The following ASTN2 variants were observed in gnomAD, a reference collection of about 807,000 sequenced individuals.
ASTN2 encodes the protein astrotactin-2.
Under a neutral mutation model 139.8 loss-of-function variants are expected in ASTN2, and 54 were observed. The ratio of observed to expected loss-of-function variants is 0.39; its 90% CI spans 0.31 to 0.48. ASTN2 has a LOEUF of 0.48. Ranked by LOEUF, ASTN2 falls within the 20% of genes least tolerant of loss-of-function variation. ASTN2 has a pLI of 0.95. For missense variants in ASTN2, 1,565 were observed against 1,725.1 expected (o/e 0.91, Z 1.64); for synonymous variants, 756 against 719.5 (o/e 1.05, Z -0.81).
intron 10 of ASTN2, among the ~76,000 whole-genome samples, chr9:116,933,828 G>T (rs564682714): frequency 1.8e-4 from 27 of 152,104 alleles, no homozygotes; most frequent in African/African-American, 6.5e-4. Context: ...CTGTCTGACT[G>T]TTCTGGACTG....
intron 1 of ASTN2, among the ~76,000 whole-genome samples, chr9:117,326,757 C>T (rs1425154981): frequency 6.6e-6 from 1 of 151,292 alleles, no homozygotes; most frequent in Non-Finnish European, 1.5e-5. Flanking sequence ...GTTCCAAGTG[C>T]CAAGAGAGAG....
chr9:116,897,888 A>G (rs1229429003), intron 10 of ASTN2, among the ~76,000 whole-genome samples: 2 of 152,182 alleles, frequency 1.3e-5, no homozygotes, highest in African/African-American at 4.8e-5. Context: ...AACTTTTCCA[A>G]AAATCACATT....
intron 19 of ASTN2, among the ~76,000 whole-genome samples, chr9:116,535,995 A>G (rs913551194): frequency 7.2e-5 from 11 of 152,152 alleles, no homozygotes; most frequent in African/African-American, 2.4e-4. Flanking sequence ...AGGTACACCA[A>G]TCAGATGTAG....
At chr9:117,089,849 G>T (rs889605626) in intron 5 of ASTN2, among the ~76,000 whole-genome samples, 3 of 152,182 alleles carry the variant, frequency 2.0e-5, no homozygotes, top group African/African-American at 7.2e-5. Flanking sequence ...TGTGGCAAAT[G>T]CCGTTAATTC....
intron 19 of ASTN2, among the ~76,000 whole-genome samples, chr9:116,606,201 A>G (rs1490558941): frequency 6.6e-6 from 1 of 152,138 alleles, no homozygotes; most frequent in Admixed American, 6.6e-5. Context: ...TTTCTGCTCA[A>G]AACAACTGGA....
chr9:116,977,715 C>CTTTT lies in ASTN2; in HGVS notation c.1592-934_1592-931dup, dbSNP rs386416041. ...TACTTAAGGTATAGAATTTCTTTTT[C>CTTTT]TTTTTTTTTTTTTTTTTGAGACTGA... On this transcript the variant is annotated intron_variant, in intron 7 of 22. Transcript: ENST00000313400. Among the ~76,000 whole-genome samples, 22 of 122,174 alleles carry CTTTT rather than the reference C, an allele frequency of 1.8e-4. 1 individual carries two copies. Among genetic ancestry groups the CTTTT allele is most frequent in the Non-Finnish European group, 2.4e-4 (14 of 58,992 alleles). 80.2% of individuals were successfully genotyped at this position (122,174 alleles called of 152,430 possible). A position where few individuals can be genotyped will look rare whatever the true frequency, so the allele number is the denominator to read the frequency against.
chr9:117,221,845 A>G (rs1372074867), intron 2 of ASTN2, among the ~76,000 whole-genome samples: 9 of 100,498 alleles, frequency 9.0e-5, no homozygotes, highest in African/African-American at 4.3e-4. Flanking sequence ...TTAGTGTTAG[A>G]AGAAAAAAAA....
At chr9:117,184,626 G>A (rs1188484016) in intron 3 of ASTN2, among the ~76,000 whole-genome samples, 1 of 152,134 alleles carries the variant, frequency 6.6e-6, no homozygotes, top group Non-Finnish European at 1.5e-5. Context: ...ATAAGAGTTC[G>A]CATGAGAGAA....
intron 2 of ASTN2, among the ~76,000 whole-genome samples, chr9:117,281,950 C>A (rs983937718): frequency 1.3e-5 from 2 of 152,170 alleles, no homozygotes; most frequent in African/African-American, 4.8e-5. Context: ...CCTCGCTACC[C>A]GACTCCCAGC....
intron 20 of ASTN2, among the ~76,000 whole-genome samples, chr9:116,451,976 C>T (rs1365101646): frequency 6.6e-6 from 1 of 152,180 alleles, no homozygotes; most frequent in East Asian, 1.9e-4. Flanking sequence ...CCCTTCCTCT[C>T]CCCATCCCCC....
In ASTN2 at chr9:116,795,224, C is replaced by T. The variant is rs113442969; in HGVS notation, c.2396+10408G>A. Among the ~76,000 whole-genome samples the T allele has an allele frequency of 6.2e-3, 947 of 152,242 alleles. 13 individuals are homozygous for T. Among genetic ancestry groups the T allele is most frequent in the African/African-American group, 0.022 (898 of 41,542 alleles). On this transcript the variant is annotated intron_variant, in intron 13 of 22. Transcript: ENST00000313400. The stretch of plus-strand genomic sequence containing the variant: ...CGAACTCCTGACCTCGTGATCCACC[C>T]GCCTCGGCTTCCCAAAGTGCTGGGA...
chr9:116,548,451 A>G (rs1852199612), intron 19 of ASTN2, among the ~76,000 whole-genome samples: 1 of 150,582 alleles, frequency 6.6e-6, no homozygotes. Flanking sequence ...TATGAGAATG[A>G]CCTGGGGGAG....
chr9:117,145,181 A>G (rs1265106463), intron 3 of ASTN2, among the ~76,000 whole-genome samples: 2 of 152,182 alleles, frequency 1.3e-5, no homozygotes, highest in Non-Finnish European at 1.5e-5. Context: ...CTGGGTAGAC[A>G]GTGAGTTATG....
chr9:116,529,027 G>A (rs1023276837), intron 19 of ASTN2, among the ~76,000 whole-genome samples: 1 of 152,188 alleles, frequency 6.6e-6, no homozygotes, highest in Non-Finnish European at 1.5e-5. Flanking sequence ...TGGGGTTGGA[G>A]CCCTTACACA....
At chr9:116,867,549 CAAAAAA>C (rs58222492) in intron 10 of ASTN2, among the ~76,000 whole-genome samples, 65 of 78,284 alleles carry the variant, frequency 8.3e-4, no homozygotes, top group Non-Finnish European at 9.8e-4. Flanking sequence ...GACTCTGTCT[CAAAAAA>C]AAAAAAAAAA....
At chr9:117,245,422 C>T (rs993723442) in intron 2 of ASTN2, among the ~76,000 whole-genome samples, 5 of 152,178 alleles carry the variant, frequency 3.3e-5, no homozygotes, top group Admixed American at 1.3e-4. Context: ...GTTTGCAAAG[C>T]GGCACAGGGA....
chr9:117,005,319 C>T (rs143680678), intron 7 of ASTN2, among the ~76,000 whole-genome samples: 181 of 151,432 alleles, frequency 1.2e-3, no homozygotes, highest in African/African-American at 4.3e-3. Flanking sequence ...GATCTCCTGA[C>T]CTAGTGATCC....
intron 20 of ASTN2, among the ~76,000 whole-genome samples, chr9:116,483,181 C>A (rs1849228550): frequency 6.6e-6 from 1 of 152,200 alleles, no homozygotes; most frequent in African/African-American, 2.4e-5. Context: ...AGGAGCTGGC[C>A]CTGCTGTCAG....
chr9:117,304,822 G>T (rs971847350), intron 1 of ASTN2, among the ~76,000 whole-genome samples: 1 of 152,188 alleles, frequency 6.6e-6, no homozygotes, highest in East Asian at 1.9e-4. Flanking sequence ...TCCAATTTAG[G>T]CCGGCCACAG....
Sources: gnomAD v4.1 joint callset for allele counts (sites outside exome capture counted in the v4.1 genomes callset) on GRCh38, gnomAD v4.1.1 for gene constraint, MANE v1.5 for transcripts, NCBI Gene and HGNC (gene_info 2026-07-23, HGNC 2026-07-21) for gene names.